Variants in SLC4A10 observed in about 807,000 individuals in gnomAD.
SLC4A10 encodes the protein solute carrier family 4 member 10.
SLC4A10 carries 42 observed loss-of-function variants against 137.7 expected under a neutral mutation model. The ratio of observed to expected loss-of-function variants is 0.30; its 90% CI spans 0.24 to 0.39. The LOEUF (loss-of-function observed/expected upper bound fraction) is 0.39, where lower values mean the gene tolerates loss of function less well. SLC4A10 is among the 10% of genes least tolerant of loss of function. SLC4A10 has a pLI of 1.00. For missense variants in SLC4A10, 925 were observed against 1,355.0 expected (o/e 0.68, Z 4.98); for synonymous variants, 474 against 464.1 (o/e 1.02, Z -0.27).
At chr2:161,951,123 A>G (rs973224311) in intron 19 of SLC4A10, among the ~76,000 whole-genome samples, 1 of 152,156 alleles carries the variant, frequency 6.6e-6, no homozygotes, top group African/African-American at 2.4e-5. Context: ...TACTTAACAT[A>G]TTTTAATGAA....
intron 1 of SLC4A10, among the ~76,000 whole-genome samples, chr2:161,658,591 G>A (rs1338586665): frequency 1.8e-5 from 2 of 113,692 alleles, no homozygotes; most frequent in South Asian, 6.0e-4. Context: ...TAAGAAAATA[G>A]TTTCCTTTTT....
chr2:161,746,871 T>C (rs2048439014), intron 1 of SLC4A10, among the ~76,000 whole-genome samples: 1 of 152,082 alleles, frequency 6.6e-6, no homozygotes, highest in South Asian at 2.1e-4. Flanking sequence ...ACTCTAGAAA[T>C]GTTGTCGAGA....
intron 9 of SLC4A10, among the ~76,000 whole-genome samples, 175 bp from the exon 10 acceptor site, chr2:161,882,182 A>G (rs1019977821): frequency 1.3e-5 from 2 of 151,860 alleles, no homozygotes; most frequent in Non-Finnish European, 2.9e-5. Flanking sequence ...GATCTTAAGC[A>G]TAAGGGTCAA....
At chr2:161,718,992 T>C (rs2045291482) in intron 1 of SLC4A10, among the ~76,000 whole-genome samples, 1 of 152,138 alleles carries the variant, frequency 6.6e-6, no homozygotes, top group South Asian at 2.1e-4. Context: ...CATGCTGGTG[T>C]GCTGCACCCA....
intron 1 of SLC4A10, among the ~76,000 whole-genome samples, chr2:161,689,384 C>A (rs1225706506): frequency 6.6e-6 from 1 of 152,030 alleles, no homozygotes; most frequent in Non-Finnish European, 1.5e-5. Flanking sequence ...TTTACTGTAC[C>A]TTTTTAATGA....
intron 4 of SLC4A10, 103 bp from the exon 5 acceptor site, chr2:161,854,867 A>G (rs1366507791): frequency 3.4e-6 from 4 of 1,171,072 alleles, no homozygotes; most frequent in Non-Finnish European, 4.6e-6. Context: ...ATGAACCAAG[A>G]CACAATATGA....
At chr2:161,689,395 C>T (rs1183004396) in intron 1 of SLC4A10, among the ~76,000 whole-genome samples, 1 of 152,120 alleles carries the variant, frequency 6.6e-6, no homozygotes, top group East Asian at 1.9e-4. Context: ...TTTTTAATGA[C>T]TAGATAAGTT....
intron 8 of SLC4A10, among the ~76,000 whole-genome samples, chr2:161,877,429 G>A (rs2125947917): frequency 6.6e-6 from 1 of 152,048 alleles, no homozygotes; most frequent in Admixed American, 6.5e-5. Flanking sequence ...GATTTATTAT[G>A]TTTTCCTCAC....
chr2:161,651,721 G>C (rs1457311409), intron 1 of SLC4A10, among the ~76,000 whole-genome samples: 1 of 152,230 alleles, frequency 6.6e-6, no homozygotes, highest in Non-Finnish European at 1.5e-5. Context: ...GGCGCCTGGA[G>C]CTGCCTGCCC....
intron 14 of SLC4A10, 141 bp from the exon 15 acceptor site, chr2:161,905,501 C>A (rs1684156300): frequency 2.5e-6 from 3 of 1,210,160 alleles, no homozygotes; most frequent in South Asian, 3.2e-5. Flanking sequence ...CTGCTTTAGA[C>A]AGTCTTGAGT....
chr2:161,651,716 C>A (rs1156829094), intron 1 of SLC4A10, among the ~76,000 whole-genome samples: 2 of 152,242 alleles, frequency 1.3e-5, no homozygotes, highest in African/African-American at 4.8e-5. Flanking sequence ...GTGCCGGCGC[C>A]TGGAGCTGCC....
At chr2:161,879,370 T>A in intron 9 of SLC4A10, 82 bp downstream of exon 9, 1 of 1,396,516 alleles carries the variant, frequency 7.2e-7, no homozygotes, top group East Asian at 2.4e-5. Flanking sequence ...TGTAATTTTC[T>A]GTTAGAGTTT....
intron 15 of SLC4A10, among the ~76,000 whole-genome samples, chr2:161,940,179 C>T (rs1193737265): frequency 6.6e-6 from 1 of 152,140 alleles, no homozygotes; most frequent in African/African-American, 2.4e-5. Context: ...AACCCACTTC[C>T]CTTCCTCTCC....
intron 1 of SLC4A10, among the ~76,000 whole-genome samples, chr2:161,650,556 C>G (rs1180511201): frequency 6.6e-6 from 1 of 152,114 alleles, no homozygotes; most frequent in African/African-American, 2.4e-5. Context: ...GGCTCTGGAT[C>G]TGGGCATCCC....
At chr2:161,819,937 G>A (rs565606374) in intron 3 of SLC4A10, among the ~76,000 whole-genome samples, 1 of 152,256 alleles carries the variant, frequency 6.6e-6, no homozygotes, top group South Asian at 2.1e-4. Flanking sequence ...AAGATGATGA[G>A]GGAAATTTGT....
intron 1 of SLC4A10, among the ~76,000 whole-genome samples, chr2:161,755,324 G>T (rs184093739): frequency 3.3e-5 from 5 of 152,258 alleles, no homozygotes; most frequent in Admixed American, 3.3e-4. Context: ...TTTCCAAACT[G>T]AGATTAATTT....
At chr2:161,625,167 C>T (rs1240266675) in intron 1 of SLC4A10, among the ~76,000 whole-genome samples, 1 of 150,820 alleles carries the variant, frequency 6.6e-6, no homozygotes, top group Non-Finnish European at 1.5e-5. Flanking sequence ...AGAAGGTATG[C>T]ATTTTTGGGG....
chr2:161,728,753 C>A (rs1269531789), intron 1 of SLC4A10, among the ~76,000 whole-genome samples: 2 of 152,026 alleles, frequency 1.3e-5, no homozygotes, highest in Middle Eastern at 3.2e-3. Flanking sequence ...AAAGGCAATA[C>A]AAGAAAATGT....
chr2:161,859,682 G>C (rs527635309), intron 5 of SLC4A10, among the ~76,000 whole-genome samples: 5 of 131,112 alleles, frequency 3.8e-5, no homozygotes, highest in African/African-American at 1.5e-4. Flanking sequence ...CTCACTGCAA[G>C]CTCCGCCTCC....
Sources: gnomAD v4.1 joint callset for allele counts (sites outside exome capture counted in the v4.1 genomes callset) on GRCh38, gnomAD v4.1.1 for gene constraint, MANE v1.5 for transcripts, NCBI Gene and HGNC (gene_info 2026-07-23, HGNC 2026-07-21) for gene names.